Variants in PLXNA2 observed in about 807,000 individuals in gnomAD.
PLXNA2 encodes plexin-A2.
Under a neutral mutation model 193.5 loss-of-function variants are expected in PLXNA2, and 91 were observed. That is an observed-to-expected ratio of 0.47 (90% CI 0.40 to 0.56). The LOEUF (loss-of-function observed/expected upper bound fraction) is 0.56. PLXNA2 is among the 20% of genes least tolerant of loss of function. The pLI, the probability that PLXNA2 is intolerant of heterozygous loss-of-function variation, is 0.00. For missense variants in PLXNA2, 1,995 were observed against 2,503.2 expected (o/e 0.80, Z 4.33); for synonymous variants, 997 against 1,027.3 (o/e 0.97, Z 0.56).
At chr1:208,238,172 T>A (rs1671929610) in intron 1 of PLXNA2, among the ~76,000 whole-genome samples, 3 of 152,086 alleles carry the variant, frequency 2.0e-5, no homozygotes, top group African/African-American at 7.2e-5. Context: ...TCGGAGAGAA[T>A]ATGTGTGTTT....
chr1:208,186,717 T>TA (rs1553294080), intron 3 of PLXNA2, among the ~76,000 whole-genome samples: 25,989 of 136,276 alleles, frequency 0.19, 3,448 homozygotes, highest in East Asian at 0.6. Context: ...TATTTTATTT[T>TA]TTTTTTTTTT....
At chr1:208,057,718 C>T (rs902225892) in intron 13 of PLXNA2, among the ~76,000 whole-genome samples, 2 of 152,154 alleles carry the variant, frequency 1.3e-5, no homozygotes, top group Admixed American at 1.3e-4. Flanking sequence ...TGCCTAGATT[C>T]TCTCCTTATA....
At chr1:208,066,851 G>C (rs1665812426) in intron 12 of PLXNA2, among the ~76,000 whole-genome samples, 1 of 152,156 alleles carries the variant, frequency 6.6e-6, no homozygotes, top group African/African-American at 2.4e-5. Context: ...GGCCTAGGCT[G>C]ATGTGTGTCT....
At chr1:208,105,615 T>C (rs576561175) in intron 4 of PLXNA2, among the ~76,000 whole-genome samples, 2 of 152,334 alleles carry the variant, frequency 1.3e-5, no homozygotes, top group East Asian at 3.9e-4. Flanking sequence ...CCCTGCCTCA[T>C]GGCCCACGAT....
intron 1 of PLXNA2, among the ~76,000 whole-genome samples, chr1:208,242,561 TC>T (rs1305165199): frequency 6.6e-6 from 1 of 152,156 alleles, no homozygotes; most frequent in African/African-American, 2.4e-5. Context: ...ACTCTAAGAT[TC>T]CTACAGGGGA....
At chr1:208,069,403 A>G (rs1446995115) in intron 12 of PLXNA2, among the ~76,000 whole-genome samples, 1 of 152,218 alleles carries the variant, frequency 6.6e-6, no homozygotes, top group African/African-American at 2.4e-5. Flanking sequence ...CGTGGGTGCC[A>G]TGACCTGGAA....
chr1:208,085,961 T>C (rs1323097054), intron 9 of PLXNA2, among the ~76,000 whole-genome samples: 1 of 152,202 alleles, frequency 6.6e-6, no homozygotes, highest in African/African-American at 2.4e-5. Context: ...ACTTTTTTGG[T>C]TTTTTTAAAT....
chr1:208,097,576 CT>C (rs778897543), intron 6 of PLXNA2, among the ~76,000 whole-genome samples: 1 of 152,278 alleles, frequency 6.6e-6, no homozygotes, highest in South Asian at 2.1e-4. Context: ...CGGTTTTCAG[CT>C]TTTTTGAATT....
rs181777843 is a variant in PLXNA2, at chr1:208,082,932, C to T, written c.2299-424G>A. ...CACAACCCTGCAGATCTGCCTCAAA[C>T]TGTCCATCCCCTGGTGTTGCCACTT... On this transcript the variant is annotated intron_variant, in intron 10 of 31. Transcript: ENST00000367033. The surrounding 1 kb of genome is among the most constrained non-coding windows in gnomAD (Gnocchi z 4.2). Among the ~76,000 whole-genome samples, 12 of 152,296 alleles carry T rather than the reference C, an allele frequency of 7.9e-5. No homozygotes were observed. The highest frequency in any genetic ancestry group is 2.9e-4 in the African/African-American group (12 of 41,558).
chr1:208,152,077 C>A (rs1016336724), intron 3 of PLXNA2, among the ~76,000 whole-genome samples: 1 of 152,190 alleles, frequency 6.6e-6, no homozygotes, highest in Non-Finnish European at 1.5e-5. Context: ...TCATTCTTTT[C>A]TTTTCTATGG....
chr1:208,041,891 C>A (rs1452115134), intron 22 of PLXNA2, among the ~76,000 whole-genome samples: 1 of 152,242 alleles, frequency 6.6e-6, no homozygotes, highest in Non-Finnish European at 1.5e-5. Context: ...TCCATCACAC[C>A]TGGGTGACTT....
In PLXNA2 at chr1:208,217,083, G is replaced by T. The variant is rs201134624; in HGVS notation, c.840C>A (p.Ile280=). The change falls in exon 2 of 32, where the codon ATC becomes ATA. Residue 280 remains isoleucine, a synonymous_variant. Transcript: ENST00000367033. This position sits in a 1 kb window ranked among gnomAD's most constrained non-coding sequence, Gnocchi z 4.7. ...SAGDLFYTSR[I]VRLCKDDPKF... Reference sequence around the variant, plus strand: ...TGGGGTCATCCTTGCAGAGCCGCACGATGCGTGAGGTGTAGAAGAGGTCTC... The same window carrying T: ...TGGGGTCATCCTTGCAGAGCCGCACTATGCGTGAGGTGTAGAAGAGGTCTC... The T allele has an allele frequency of 2.2e-5, 36 of 1,614,146 alleles. No individual in the cohort carries two copies. The Admixed American group carries it at 5.0e-4, about 22-fold the overall frequency.
intron 6 of PLXNA2, among the ~76,000 whole-genome samples, chr1:208,097,642 G>A (rs1666942317): frequency 6.6e-6 from 1 of 152,092 alleles, no homozygotes; most frequent in South Asian, 2.1e-4. Context: ...GGAATCTGTC[G>A]ATTGAGAAAA....
Position 208,039,020 on chromosome 1 carries a change from G to T in PLXNA2, c.4501-36C>A. On this transcript the variant is annotated intron_variant, in intron 24 of 31. Transcript: ENST00000367033. ...GGGACAGAGGGTGAGCAGGACAGGA[G>T]TTGAAGGAGTAGTTTGAGGGAGAGG... is the stretch of plus-strand genomic sequence containing the variant. 2.5e-6 allele frequency: 4 copies of T among 1,595,388 alleles called. No homozygotes were observed. The South Asian group carries it at 4.5e-5, about 18-fold the overall frequency.
chr1:208,183,127 G>A (rs751604876), intron 3 of PLXNA2, among the ~76,000 whole-genome samples: 1 of 152,178 alleles, frequency 6.6e-6, no homozygotes, highest in Admixed American at 6.5e-5. Flanking sequence ...AAGAACAAAG[G>A]TCACAGATGG....
intron 14 of PLXNA2, among the ~76,000 whole-genome samples, chr1:208,053,662 G>A (rs1334637113): frequency 6.6e-6 from 1 of 152,170 alleles, no homozygotes; most frequent in Admixed American, 6.5e-5. Context: ...TGAAATATTC[G>A]ATGTAGCAAT....
intron 6 of PLXNA2, among the ~76,000 whole-genome samples, chr1:208,098,454 TCTCTCACACACACACA>T (rs1369714837): frequency 9.4e-6 from 1 of 105,976 alleles, no homozygotes; most frequent in Non-Finnish European, 2.1e-5. Flanking sequence ...TCTCTCTCTC[TCTCTCACACACACACA>T]CACACACACA....
At chr1:208,068,998 C>A (rs566375524) in intron 12 of PLXNA2, among the ~76,000 whole-genome samples, 1 of 152,182 alleles carries the variant, frequency 6.6e-6, no homozygotes, top group Non-Finnish European at 1.5e-5. Context: ...AAGGGAAACA[C>A]TTTAGGGTAG....
At chr1:208,093,808 T>C (rs1476045655) in intron 8 of PLXNA2, among the ~76,000 whole-genome samples, 1 of 152,202 alleles carries the variant, frequency 6.6e-6, no homozygotes, top group Non-Finnish European at 1.5e-5. Flanking sequence ...GCTCTCTGTG[T>C]GTGATCAGGT....
Sources: allele counts gnomAD v4.1 joint callset (sites outside exome capture counted in the v4.1 genomes callset), GRCh38; gene constraint gnomAD v4.1.1; non-coding constraint Gnocchi (gnomAD v3.1); transcripts MANE v1.5; gene names NCBI Gene and HGNC (gene_info 2026-07-23, HGNC 2026-07-21).